GLIS3: variants seen among roughly 807,000 people sequenced by gnomAD.
The protein encoded by GLIS3 is GLIS family zinc finger 3, also known as zinc finger protein GLIS3.
GLIS3 carries 53 observed loss-of-function variants against 78.6 expected under a neutral mutation model. That is an observed-to-expected ratio of 0.67 (90% CI 0.54 to 0.85). GLIS3 has a LOEUF of 0.85. Among genes scored for constraint, GLIS3 ranks in the 40% least tolerant of loss-of-function variants. The pLI, the probability that GLIS3 is intolerant of heterozygous loss-of-function variation, is 0.00. For synonymous variants in GLIS3, 684 were observed against 509.9 expected, an observed-to-expected ratio of 1.34 and a Z score of -4.60; for missense variants, 1,703 against 1,231.1, an observed-to-expected ratio of 1.38 and a Z score of -5.74.
At chr9:4,419,302 A>G in the GLIS3 span, among the ~76,000 whole-genome samples, 2 of 152,200 alleles carry the variant, frequency 1.3e-5, no homozygotes, top group Admixed American at 6.5e-5. Context: ...TTGCATTGCT[A>G]CAAAGAAATA....
chr9:3,852,635 C>T (rs1381414643), intron 9 of GLIS3, among the ~76,000 whole-genome samples: 8 of 152,028 alleles, frequency 5.3e-5, no homozygotes, highest in Middle Eastern at 3.2e-3. Flanking sequence ...AGATAAGAAC[C>T]GCTAGAAATG....
chr9:4,237,996 C>A (rs1822931602), intron 2 of GLIS3, among the ~76,000 whole-genome samples: 1 of 152,166 alleles, frequency 6.6e-6, no homozygotes, highest in African/African-American at 2.4e-5. Context: ...TCCAGAACTT[C>A]CTCAGAATTT....
rs561151538 is a variant in GLIS3 at position 4,169,360 on chromosome 9, C to T, written c.389-43419G>A. ...AGTATACGAAGGCTTTCAGATAACT[C>T]CACAGTGTTGTCAGAGGTGAGGTCT... On this transcript the variant is annotated intron_variant, in intron 2 of 10. Transcript: ENST00000381971. Among the ~76,000 whole-genome samples, 9 of 152,302 alleles carry T rather than the reference C, an allele frequency of 5.9e-5. No homozygotes were observed. The East Asian group carries it at 1.7e-3, about 29-fold the overall frequency.
intron 4 of GLIS3, among the ~76,000 whole-genome samples, chr9:4,308,289 G>A (rs755597037): frequency 6.6e-6 from 1 of 152,142 alleles, no homozygotes; most frequent in Admixed American, 6.5e-5. Flanking sequence ...GAAATAAGAG[G>A]AGAGCAGCAG....
chr9:3,888,270 TCTC>T (rs1469163013), intron 7 of GLIS3, among the ~76,000 whole-genome samples: 5 of 152,122 alleles, frequency 3.3e-5, no homozygotes, highest in Non-Finnish European at 5.9e-5. Flanking sequence ...GGGTTCCCAA[TCTC>T]CTCATTACTC....
chr9:4,177,479 C>T (rs1482061561), intron 2 of GLIS3, among the ~76,000 whole-genome samples: 1 of 152,176 alleles, frequency 6.6e-6, no homozygotes, highest in African/African-American at 2.4e-5. Flanking sequence ...GAAACAGATA[C>T]AGGTGAAGGT....
At chr9:4,135,834 C>A (rs1586771911) in intron 2 of GLIS3, among the ~76,000 whole-genome samples, 1 of 152,162 alleles carries the variant, frequency 6.6e-6, no homozygotes, top group African/African-American at 2.4e-5. Flanking sequence ...TCATCAAATT[C>A]TCTCACCTTT....
rs544827854 is a variant in GLIS3, at chr9:4,199,859, C to T, written c.389-73918G>A. ...CACCTTCAACGAAAGAATATATATT[C>T]TCTGCATCTACACAAGGAACATACT... On this transcript the variant is annotated intron_variant, in intron 2 of 10. Transcript: ENST00000381971. Among the ~76,000 whole-genome samples the T allele has an allele frequency of 9.8e-4, 149 of 151,654 alleles. 1 individual carries two copies. Among genetic ancestry groups the T allele is most frequent in the South Asian group, 6.3e-4 (3 of 4,782 alleles).
chr9:3,945,841 G>C (rs1022998226), intron 4 of GLIS3, among the ~76,000 whole-genome samples: 5 of 152,074 alleles, frequency 3.3e-5, no homozygotes, highest in African/African-American at 1.2e-4. Flanking sequence ...AAAAAACAGA[G>C]AGAAAGAGAC....
At chr9:3,907,006 G>C (rs1248012755) in intron 6 of GLIS3, among the ~76,000 whole-genome samples, 2 of 152,102 alleles carry the variant, frequency 1.3e-5, no homozygotes, top group African/African-American at 4.8e-5. Context: ...AACCTCCCCT[G>C]ACCAGACCAG....
At chr9:3,979,527 G>A (rs1475843163) in intron 4 of GLIS3, among the ~76,000 whole-genome samples, 2 of 152,188 alleles carry the variant, frequency 1.3e-5, no homozygotes, top group Non-Finnish European at 2.9e-5. Flanking sequence ...TTGGGACAGT[G>A]ACTTCTCCTC....
At chr9:4,325,329 C>T (rs1285724977) in intron 2 of GLIS3, among the ~76,000 whole-genome samples, 2 of 152,130 alleles carry the variant, frequency 1.3e-5, no homozygotes, top group African/African-American at 2.4e-5. Flanking sequence ...GGGTAGAGTA[C>T]CCCTTAATGT....
the GLIS3 span, among the ~76,000 whole-genome samples, chr9:4,380,943 A>T: frequency 6.6e-6 from 1 of 152,158 alleles, no homozygotes; most frequent in Non-Finnish European, 1.5e-5. Context: ...TACAAACCCA[A>T]GAGGAAAATA....
At chr9:3,837,823 T>C (rs1264322145) in intron 9 of GLIS3, among the ~76,000 whole-genome samples, 1 of 152,194 alleles carries the variant, frequency 6.6e-6, no homozygotes, top group Non-Finnish European at 1.5e-5. Flanking sequence ...GATGCTACCA[T>C]GGTGGATAGA....
chr9:4,180,429 T>A (rs1420852842), intron 2 of GLIS3, among the ~76,000 whole-genome samples: 1 of 152,192 alleles, frequency 6.6e-6, no homozygotes, highest in African/African-American at 2.4e-5. Flanking sequence ...GCTCTGAGCC[T>A]CTGTTTCCTC....
intron 4 of GLIS3, among the ~76,000 whole-genome samples, chr9:4,092,728 C>T (rs1317665435): frequency 6.6e-6 from 1 of 152,116 alleles, no homozygotes; most frequent in Non-Finnish European, 1.5e-5. Context: ...TTTTGAAATA[C>T]CTCTTGACGG....
At position 4,274,462 on chromosome 9, in the gene GLIS3, T is replaced by A. The variant is rs375358403; in HGVS notation, c.388+11576A>T. ...CCAGAGCCTCACTGGCAATTGGGCA[T>A]ATGGGGCACACACACCCCACTCCAC... is the stretch of plus-strand genomic sequence containing the variant. On this transcript the variant is annotated intron_variant, in intron 2 of 10. Transcript: ENST00000381971. Among the ~76,000 whole-genome samples, 3 of 152,150 alleles carry A rather than the reference T, an allele frequency of 2.0e-5. No homozygotes were observed. In the East Asian group the frequency reaches 5.8e-4, roughly 29 times the overall value.
chr9:4,120,531 C>T (rs752532801), intron 3 of GLIS3, among the ~76,000 whole-genome samples: 3 of 152,232 alleles, frequency 2.0e-5, no homozygotes, highest in Non-Finnish European at 2.9e-5. Flanking sequence ...GCATGTGGCT[C>T]TTCCTGCAGA....
chr9:4,137,610 T>A (rs526197), intron 2 of GLIS3, among the ~76,000 whole-genome samples: 5 of 152,124 alleles, frequency 3.3e-5, no homozygotes, highest in Admixed American at 3.3e-4. Flanking sequence ...GGAACCTACA[T>A]CTCTGAGCCA....
Sources: allele counts gnomAD v4.1 joint callset (sites outside exome capture counted in the v4.1 genomes callset), GRCh38; gene constraint gnomAD v4.1.1; transcripts MANE v1.5; gene names NCBI Gene and HGNC (gene_info 2026-07-23, HGNC 2026-07-21).